The following THAP8 variants were observed in gnomAD, a reference collection of about 807,000 sequenced individuals.
THAP8 encodes THAP domain containing 8.
THAP8 carries 24 observed loss-of-function variants against 25.0 expected under a neutral mutation model. The ratio of observed to expected loss-of-function variants is 0.96; its 90% confidence interval spans 0.69 to 1.35. THAP8 has a LOEUF of 1.35. THAP8 is among the 40% of genes most tolerant of loss of function. The pLI is 0.00. For synonymous variants in THAP8, 169 were observed against 157.6 expected, an observed-to-expected ratio of 1.07 and a Z score of -0.54; for missense variants, 399 against 368.8, an observed-to-expected ratio of 1.08 and a Z score of -0.67.
chr19:36,054,739 C>G (rs1053633254), upstream of THAP8: 1 of 604,052 alleles, frequency 1.7e-6, no homozygotes, highest in Non-Finnish European at 2.9e-6. Context: ...GACGCTTAAT[C>G]AGGCATCCAG....
chr19:36,039,741 C>T, intron 2 of THAP8, 23 bp from the exon 3 acceptor site: 1 of 1,496,548 alleles, frequency 6.7e-7, no homozygotes, highest in Non-Finnish European at 8.9e-7. Context: ...GCATGGGGTG[C>T]AGGGGTGCCG....
intron 2 of THAP8, 31 bp from the exon 3 acceptor site, chr19:36,039,749 C>T (rs1332199558): frequency 6.7e-7 from 1 of 1,489,788 alleles, no homozygotes. Context: ...TGCAGGGGTG[C>T]CGTGGTCAGA....
intron 1 of THAP8, among the ~76,000 whole-genome samples, chr19:36,050,157 T>C (rs1970016107): frequency 6.6e-6 from 1 of 152,132 alleles, no homozygotes; most frequent in Non-Finnish European, 1.5e-5. Flanking sequence ...TCTTATTTAT[T>C]TATTTTGAGA....
chr19:36,035,451 G>C lies in THAP8; in HGVS notation c.814C>G (p.Pro272Ala). 6.2e-7 allele frequency: 1 copy of C among 1,613,882 alleles called. No homozygotes were observed. The highest frequency in any genetic ancestry group is 8.5e-7 in the Non-Finnish European group (1 of 1,179,858). Residue 272 changes from proline to alanine, a missense_variant, in exon 4 of 4, where the codon CCC becomes GCC. Physicochemically the swap from Pro to Ala is conservative, Grantham distance 27 (BLOSUM62 -1). Transcript: ENST00000292894. The part of the protein sequence containing the change: ...AKPELLDTRI[P>A]SA ...GTCTGTCTTGATCCTTATGCACTGG[G>C]GATCCGAGTGTCCAGGAGCTCCGGC... is the stretch of plus-strand genomic sequence containing the variant.
In THAP8 at chr19:36,039,921, CA is replaced by C. The variant is rs759254111; in HGVS notation, c.276+22del. On this transcript the variant is annotated intron_variant, in intron 2 of 3. Transcript: ENST00000292894. Reference sequence around the variant, plus strand: ...GGGAGGTCTGGGGGTTGGATTCCAGCAGCAGGACCTCCCAGCGCTCACCTTG... The same window carrying C: ...GGGAGGTCTGGGGGTTGGATTCCAGCGCAGGACCTCCCAGCGCTCACCTTG... 9 of 1,611,152 alleles carry C rather than the reference CA, an allele frequency of 5.6e-6. No homozygotes were observed. The East Asian group carries it at 2.0e-4, about 36-fold the overall frequency.
chr19:36,036,928 A>G (rs1969471419), intron 3 of THAP8, among the ~76,000 whole-genome samples: 1 of 144,500 alleles, frequency 6.9e-6, no homozygotes, highest in Non-Finnish European at 1.5e-5. Flanking sequence ...GCAACAGAGC[A>G]AGACTCCTTC....
intron 1 of THAP8, among the ~76,000 whole-genome samples, chr19:36,051,568 G>GA (rs1315295637): frequency 6.6e-6 from 1 of 152,158 alleles, no homozygotes; most frequent in East Asian, 1.9e-4. Flanking sequence ...CAGGATGCAG[G>GA]AAGAGGAGAG....
intron 1 of THAP8, chr19:36,045,601 T>C: frequency 2.6e-6 from 1 of 388,908 alleles, no homozygotes; most frequent in Non-Finnish European, 5.1e-6. Context: ...AAGATGTGAT[T>C]AAGTTAAGGA....
chr19:36,048,869 A>AAAAAAAAC (rs1555790111), intron 1 of THAP8, among the ~76,000 whole-genome samples: 2 of 150,748 alleles, frequency 1.3e-5, no homozygotes, highest in South Asian at 2.1e-4. Context: ...AAAAAACAAA[A>AAAAAAAAC]AACACCTTTG....
At chr19:36,045,994 T>C (rs1425024811) in intron 1 of THAP8, 2 of 402,532 alleles carry the variant, frequency 5.0e-6, no homozygotes, top group East Asian at 7.2e-5. Flanking sequence ...GAAATAAGAA[T>C]GTCTTTCACA....
chr19:36,047,825 C>CAAA (rs111270538), intron 1 of THAP8, among the ~76,000 whole-genome samples: 1 of 106,540 alleles, frequency 9.4e-6, no homozygotes, highest in Non-Finnish European at 2.0e-5. Context: ...ATGAGACTTT[C>CAAA]AAAAAAAAAA....
At chr19:36,051,626 T>C (rs977557567) in intron 1 of THAP8, among the ~76,000 whole-genome samples, 5 of 152,156 alleles carry the variant, frequency 3.3e-5, no homozygotes, top group Admixed American at 6.5e-5. Context: ...GAGAGCCAAC[T>C]GGATTTGCTG....
At chr19:36,050,633 C>T (rs984088317) in intron 1 of THAP8, among the ~76,000 whole-genome samples, 4 of 152,164 alleles carry the variant, frequency 2.6e-5, no homozygotes, top group African/African-American at 4.8e-5. Flanking sequence ...TCCCAGGTCA[C>T]GTACTCAGTT....
chr19:36,051,465 A>C (rs753867228), intron 1 of THAP8, among the ~76,000 whole-genome samples: 2 of 152,030 alleles, frequency 1.3e-5, no homozygotes, highest in Non-Finnish European at 2.9e-5. Flanking sequence ...TCTGGCTGCA[A>C]GCAGGGAACA....
At chr19:36,054,378 T>A (rs1420238200), upstream of THAP8, 20 of 807,382 alleles carry the variant, frequency 2.5e-5, no homozygotes, top group Non-Finnish European at 3.8e-5. Flanking sequence ...GCCTGCCTAC[T>A]AGGCGCCCCT....
intron 1 of THAP8, chr19:36,045,567 C>T (rs2145447455): frequency 2.7e-6 from 1 of 368,952 alleles, no homozygotes; most frequent in South Asian, 2.0e-5. Context: ...CTGTGCCAGG[C>T]CTGAATATTA....
chr19:36,054,479 A>G (rs1386135924), upstream of THAP8: 1 of 582,786 alleles, frequency 1.7e-6, no homozygotes, highest in Non-Finnish European at 3.1e-6. Flanking sequence ...CGTCACCCCG[A>G]CTTTCATCAC....
chr19:36,035,607 T>C lies in THAP8; in HGVS notation c.673-15A>G. ...TGGGCTGTTGTCTAAGGCAAAGAAG[T>C]GGTAGAGATGGGGAACATTACGAAG... On this transcript the variant is annotated splice_polypyrimidine_tract_variant and intron_variant, in intron 3 of 3. Coordinates refer to ENST00000292894, the MANE Select transcript of THAP8 (RefSeq NM_152658.3). 6.2e-7 allele frequency: 1 copy of C among 1,606,792 alleles called. No individual in the cohort carries two copies. The highest frequency in any genetic ancestry group is 2.2e-5 in the East Asian group (1 of 44,652).
chr19:36,053,010 C>A (rs1970102108), intron 1 of THAP8, among the ~76,000 whole-genome samples: 1 of 152,088 alleles, frequency 6.6e-6, no homozygotes, highest in Admixed American at 6.5e-5. Context: ...ACTGCTTGTG[C>A]CCAGGAGTTT....
Sources: gnomAD v4.1 joint callset for allele counts (sites outside exome capture counted in the v4.1 genomes callset) on GRCh38, gnomAD v4.1.1 for gene constraint, MANE v1.5 for transcripts, NCBI Gene and HGNC (gene_info 2026-07-23, HGNC 2026-07-21) for gene names.